Variants in KIFAP3 observed in about 807,000 individuals in gnomAD.
KIFAP3 encodes the protein kinesin-associated protein 3.
In KIFAP3, 68 loss-of-function variants were observed where a neutral mutation model predicts 106.5. The observed-to-expected ratio is 0.64, with a 90% CI of 0.53 to 0.78. KIFAP3 has a LOEUF of 0.78. Among genes scored for constraint, KIFAP3 ranks in the 30% least tolerant of loss-of-function variants. The pLI, the probability that KIFAP3 is intolerant of heterozygous loss-of-function variation, is 0.00. For missense variants in KIFAP3, 780 were observed against 941.8 expected (o/e 0.83, Z 2.25); for synonymous variants, 320 against 311.5 (o/e 1.03, Z -0.29).
chr1:169,959,900 T>C (rs1438843466), intron 18 of KIFAP3, among the ~76,000 whole-genome samples: 2 of 152,144 alleles, frequency 1.3e-5, no homozygotes, highest in African/African-American at 2.4e-5. Flanking sequence ...ATCTACTCCA[T>C]CTGGTTTGAA....
At chr1:170,059,223 T>C (rs529321364) in intron 1 of KIFAP3, among the ~76,000 whole-genome samples, 51 of 152,104 alleles carry the variant, frequency 3.4e-4, no homozygotes, top group Middle Eastern at 3.4e-3. Flanking sequence ...ACCCAGGAGA[T>C]GGTTTTTTGA....
Position 169,942,031 on chromosome 1 carries a change from T to C in KIFAP3, c.2273+11980A>G, listed in dbSNP as rs994709503. 1.5e-4 allele frequency among the ~76,000 whole-genome samples: 3 copies of C among 20,210 alleles called. No individual in the cohort carries two copies. In the African/African-American group the frequency reaches 1.8e-3, roughly 12 times the overall value. 13.3% of individuals were successfully genotyped at this position (20,210 alleles called of 152,430 possible). A position where few individuals can be genotyped will look rare whatever the true frequency, so the allele number is the denominator to read the frequency against. On this transcript the variant is annotated intron_variant, in intron 19 of 19. Transcript: ENST00000361580. The stretch of plus-strand genomic sequence containing the variant: ...CCATTTGATAAGATGGTATAGTGTG[T>C]GTTAACAACAATGTTATTTTTACTC...
At chr1:170,050,962 T>G (rs774994514) in intron 2 of KIFAP3, among the ~76,000 whole-genome samples, 57 of 152,142 alleles carry the variant, frequency 3.7e-4, no homozygotes, top group Non-Finnish European at 7.5e-4. Context: ...GCTACCAGCA[T>G]GATGACAGGA....
upstream of KIFAP3, among the ~76,000 whole-genome samples, chr1:170,075,699 T>C (rs887235732): frequency 2.0e-5 from 3 of 152,238 alleles, no homozygotes; most frequent in South Asian, 2.1e-4. Flanking sequence ...GTAGATGTTA[T>C]AGTCATTCTT....
chr1:170,018,959 G>A (rs1319326101), intron 9 of KIFAP3, among the ~76,000 whole-genome samples: 1 of 151,934 alleles, frequency 6.6e-6, no homozygotes, highest in Non-Finnish European at 1.5e-5. Flanking sequence ...CTGATTCTTT[G>A]AAAATACCAA....
At chr1:169,993,910 G>T (rs1231380946) in intron 10 of KIFAP3, among the ~76,000 whole-genome samples, 1 of 152,064 alleles carries the variant, frequency 6.6e-6, no homozygotes, top group Non-Finnish European at 1.5e-5. Context: ...AAAATACAGT[G>T]ATCTTCTATC....
intron 19 of KIFAP3, among the ~76,000 whole-genome samples, chr1:169,948,892 G>A (rs1664586916): frequency 6.6e-6 from 1 of 151,932 alleles, no homozygotes; most frequent in African/African-American, 2.4e-5. Context: ...CTTTTAGACA[G>A]AGAATATGTA....
At chr1:170,044,078 G>C (rs1244592041) in intron 3 of KIFAP3, among the ~76,000 whole-genome samples, 2 of 152,126 alleles carry the variant, frequency 1.3e-5, no homozygotes, top group East Asian at 1.9e-4. Flanking sequence ...TCACAGGAGA[G>C]GGTAAAATGG....
At chr1:170,060,754 T>C (rs551132867) in intron 1 of KIFAP3, among the ~76,000 whole-genome samples, 13 of 152,100 alleles carry the variant, frequency 8.5e-5, no homozygotes, top group Admixed American at 2.6e-4. Flanking sequence ...TACCTGATTT[T>C]AAACTATACT....
chr1:169,942,946 A>G (rs1238221580), intron 19 of KIFAP3, among the ~76,000 whole-genome samples: 2 of 132,436 alleles, frequency 1.5e-5, no homozygotes, highest in South Asian at 2.7e-4. Flanking sequence ...CAACAACAAA[A>G]AACTAATTTC....
At chr1:170,039,879 A>G (rs1669884711) in intron 3 of KIFAP3, among the ~76,000 whole-genome samples, 1 of 152,136 alleles carries the variant, frequency 6.6e-6, no homozygotes. Context: ...AAGGTGTTGA[A>G]CACAAGTTTG....
In KIFAP3 at chr1:170,049,621, C is replaced by T. The variant is rs1477717024; in HGVS notation, c.165-2755G>A. On this transcript the variant is annotated intron_variant, in intron 2 of 19. Transcript: ENST00000361580. ...CATCAGGCCAGTGCTCCCTCTGGGA[C>T]GAAGCTTCCAGGGGAAGGAGCAGGC... Among the ~76,000 whole-genome samples, 7 of 152,188 alleles carry T rather than the reference C, an allele frequency of 4.6e-5. No homozygotes were observed. The South Asian group carries it at 6.2e-4, about 14-fold the overall frequency.
chr1:170,041,973 G>A (rs1455189971), intron 3 of KIFAP3: 1 of 715,708 alleles, frequency 1.4e-6, no homozygotes, highest in African/African-American at 1.8e-5. Context: ...ACTTATCAGG[G>A]TCTCATGTCT....
At chr1:169,941,698 C>T (rs1364866902) in intron 19 of KIFAP3, among the ~76,000 whole-genome samples, 1 of 151,846 alleles carries the variant, frequency 6.6e-6, no homozygotes, top group Admixed American at 6.6e-5. Flanking sequence ...CCAAGATGGC[C>T]CCCTGAGGGT....
chr1:170,036,209 G>A (rs992605261), intron 5 of KIFAP3, among the ~76,000 whole-genome samples: 2 of 151,902 alleles, frequency 1.3e-5, no homozygotes, highest in African/African-American at 4.8e-5. Context: ...TTTCAAATCA[G>A]GTTGGTACAT....
At chr1:170,071,549 C>T (rs75336430) in intron 1 of KIFAP3, among the ~76,000 whole-genome samples, 9,633 of 152,204 alleles carry the variant, frequency 0.063, 391 homozygotes, top group Non-Finnish European at 0.095. Context: ...CATTATAACA[C>T]AGTGGACAAG....
In KIFAP3 at chr1:170,042,189, C is replaced by T. The variant is rs1452688012; in HGVS notation, c.320-2901G>A. 4.8e-4 allele frequency among the ~76,000 whole-genome samples: 73 copies of T among 152,162 alleles called. 1 individual carries two copies. Among genetic ancestry groups the T allele is most frequent in the Admixed American group, 4.8e-3 (73 of 15,270 alleles). ...TCGATACGGGAAATACTAACTTAAT[C>T]CCTCCTACATCAAGCAGCCCCTTGG... On this transcript the variant is annotated intron_variant, in intron 3 of 19. Transcript: ENST00000361580.
At position 169,975,775 on chromosome 1, in the gene KIFAP3, T is replaced by C. The variant is rs545756538; in HGVS notation, c.1897+2310A>G. On this transcript the variant is annotated intron_variant, in intron 16 of 19. Coordinates refer to ENST00000361580, the MANE Select transcript of KIFAP3 (RefSeq NM_014970.4). ...GACTATAGGCATGCACCAGAATGCCTGGCTTAGAAAACATTTCTGAGTTTT... is the reference window on the plus strand; with the variant it reads ...GACTATAGGCATGCACCAGAATGCCCGGCTTAGAAAACATTTCTGAGTTTT... 3.9e-5 allele frequency among the ~76,000 whole-genome samples: 6 copies of C among 152,248 alleles called. No homozygotes were observed. In the South Asian group the frequency reaches 1.0e-3, roughly 26 times the overall value.
chr1:169,975,676 A>G (rs1437969892), intron 16 of KIFAP3, among the ~76,000 whole-genome samples: 1 of 151,972 alleles, frequency 6.6e-6, no homozygotes, highest in East Asian at 1.9e-4. Flanking sequence ...GTGCAATGGC[A>G]TGATCATAGC....
Sources: allele counts gnomAD v4.1 joint callset (sites outside exome capture counted in the v4.1 genomes callset), GRCh38; gene constraint gnomAD v4.1.1; transcripts MANE v1.5; gene names NCBI Gene and HGNC (gene_info 2026-07-23, HGNC 2026-07-21).